POTEE: variants seen among roughly 807,000 people sequenced by gnomAD.
POTEE encodes the protein POTE ankyrin domain family member E, also known as ANKRD26-like family C member 1A.
POTEE carries 21 observed loss-of-function variants against 74.2 expected under a neutral mutation model. The ratio of observed to expected loss-of-function variants is 0.28; its 90% CI spans 0.20 to 0.41. POTEE has a LOEUF of 0.41. Among genes scored for constraint, POTEE ranks in the 10% least tolerant of loss-of-function variants. POTEE has a pLI of 1.00. For missense variants in POTEE, 525 were observed against 1,158.6 expected (o/e 0.45, Z 7.94); for synonymous variants, 211 against 432.8 (o/e 0.49, Z 6.36).
In POTEE at chr2:131,235,818, GA is replaced by G. The variant is rs1048115966; in HGVS notation, c.1127-908del. Among the ~76,000 whole-genome samples the G allele has an allele frequency of 2.9e-5, 4 of 137,770 alleles. No homozygotes were observed. The Admixed American group carries it at 2.9e-4, about 10-fold the overall frequency. 90.4% of individuals were successfully genotyped at this position (137,770 alleles called of 152,430 possible). A position where few individuals can be genotyped will look rare whatever the true frequency, so the allele number is the denominator to read the frequency against. ...AAAAAAAAAAAAAAAAAAAAAGAAA[GA>G]AAAAAGAAAATAAATGTGTCAGAAT... On this transcript the variant is annotated intron_variant, in intron 9 of 17. Coordinates refer to ENST00000683005, the MANE Select transcript of POTEE (RefSeq NM_001083538.3).
chr2:131,221,744 A>G (rs1700625692), intron 4 of POTEE, among the ~76,000 whole-genome samples: 1 of 152,240 alleles, frequency 6.6e-6, no homozygotes, highest in South Asian at 2.1e-4. Context: ...TAACATGTAA[A>G]AAGTATGAAT....
intron 9 of POTEE, among the ~76,000 whole-genome samples, chr2:131,234,184 G>C (rs1701054888): frequency 6.6e-6 from 1 of 151,746 alleles, no homozygotes; most frequent in Admixed American, 6.5e-5. Flanking sequence ...ATGAATATCG[G>C]AGTTGTTCCT....
chr2:131,222,781 T>C (rs1700663414), intron 4 of POTEE, among the ~76,000 whole-genome samples: 2 of 152,104 alleles, frequency 1.3e-5, no homozygotes, highest in Admixed American at 1.3e-4. Context: ...TAAGAATTGG[T>C]TTATTTTAGA....
chr2:131,229,124 C>T (rs1391803669), intron 8 of POTEE, among the ~76,000 whole-genome samples: 1 of 151,710 alleles, frequency 6.6e-6, no homozygotes, highest in Middle Eastern at 3.2e-3. Flanking sequence ...CCCACATATT[C>T]AGAACCTAAT....
At chr2:131,225,050 G>T (rs1357517902) in intron 6 of POTEE, among the ~76,000 whole-genome samples, 1 of 152,106 alleles carries the variant, frequency 6.6e-6, no homozygotes, top group Non-Finnish European at 1.5e-5. Context: ...ACTCTTTTTG[G>T]CCAAATCTTC....
In POTEE at chr2:131,218,606, C is replaced by T. The variant is rs771276904; in HGVS notation, c.204C>T (p.Cys68=). 6.2e-7 allele frequency: 1 copy of T among 1,612,008 alleles called. No homozygotes were observed. Among genetic ancestry groups the T allele is most frequent in the East Asian group, 2.2e-5 (1 of 44,690 alleles). Residue 68 remains cysteine, a synonymous_variant, in exon 4 of 18, where the codon TGC becomes TGT. Transcript: ENST00000683005. The part of the protein sequence containing the change: ...RSKMGKWCHH[C]FPCCRGSGKS... ...AGATGGGCAAGTGGTGCCACCACTG[C>T]TTCCCCTGCTGCAGGGGGAGTGGCA... is the stretch of plus-strand genomic sequence containing the variant.
chr2:131,220,047 A>G (rs1366103983), intron 4 of POTEE, among the ~76,000 whole-genome samples: 1 of 151,294 alleles, frequency 6.6e-6, no homozygotes, highest in Non-Finnish European at 1.5e-5. Context: ...TTATTATTTG[A>G]AAAAGATGGA....
chr2:131,209,871 C>T (rs1179177250), intron 1 of POTEE, among the ~76,000 whole-genome samples, 52 bp downstream of exon 1: 1 of 151,272 alleles, frequency 6.6e-6, no homozygotes, highest in Non-Finnish European at 1.5e-5. Context: ...GGTTGGGTGT[C>T]CTATTGGGGC....
chr2:131,218,497 T>A lies in POTEE; in HGVS notation c.95T>A (p.Phe32Tyr). Residue 32 changes from phenylalanine (F) to tyrosine (Y), a missense_variant, in exon 4 of 18, where the codon TTC (phenylalanine) becomes TAC (tyrosine). Phe to Tyr is a conservative substitution (Grantham distance 22). Transcript: ENST00000683005. Reference protein sequence around the residue: ...SKMGKWCCRCFPCYRESGKSN... With the variant: ...SKMGKWCCRCYPCYRESGKSN... ...ATGGGCAAGTGGTGCTGCCGTTGCTTCCCCTGCTACAGGGAGAGCGGCAAG... is the reference window on the plus strand; with the variant it reads ...ATGGGCAAGTGGTGCTGCCGTTGCTACCCCTGCTACAGGGAGAGCGGCAAG... 1 of 1,612,638 alleles carries A rather than the reference T, an allele frequency of 6.2e-7. No homozygotes were observed. The highest frequency in any genetic ancestry group is 8.5e-7 in the Non-Finnish European group (1 of 1,179,862).
In POTEE at chr2:131,237,907, G is replaced by A. The variant is rs537294241; in HGVS notation, c.1198-287G>A. Among the ~76,000 whole-genome samples the A allele has an allele frequency of 2.6e-5, 4 of 152,386 alleles. No homozygotes were observed. In the East Asian group the frequency reaches 7.7e-4, roughly 29 times the overall value. The stretch of plus-strand genomic sequence containing the variant: ...TCCAAACAAATGGTGACCAAATTAA[G>A]TTTGCTGGTTCACGTTTTTTTTCTT... On this transcript the variant is annotated intron_variant, in intron 10 of 17. Coordinates refer to ENST00000683005, the MANE Select transcript of POTEE (RefSeq NM_001083538.3).
chr2:131,228,510 G>T lies in POTEE; in HGVS notation c.1055+129G>T. 5.3e-6 allele frequency: 8 copies of T among 1,516,198 alleles called. 1 individual carries two copies. In the African/African-American group the frequency reaches 1.0e-4, roughly 20 times the overall value. The allele number at this position is 1,516,198 out of a possible 1,614,324, so 93.9% of individuals were successfully genotyped here. Reference sequence around the variant, plus strand: ...GTAGTTTTCGCGTGGCAGTGAGTTAGTCCCCTGCATCAGCCAGAAATCAGA... The same window carrying T: ...GTAGTTTTCGCGTGGCAGTGAGTTATTCCCCTGCATCAGCCAGAAATCAGA... On this transcript the variant is annotated intron_variant, in intron 8 of 17. Coordinates refer to ENST00000683005, the MANE Select transcript of POTEE (RefSeq NM_001083538.3).
At chr2:131,217,912 C>T (rs1364950343) in intron 3 of POTEE, among the ~76,000 whole-genome samples, 1 of 148,360 alleles carries the variant, frequency 6.7e-6, no homozygotes, top group East Asian at 2.0e-4. Flanking sequence ...GCTTGGCTGG[C>T]CTGTAATGGC....
chr2:131,221,743 A>G (rs1573701504), intron 4 of POTEE, among the ~76,000 whole-genome samples: 2 of 152,228 alleles, frequency 1.3e-5, no homozygotes, highest in East Asian at 1.9e-4. Context: ...TTAACATGTA[A>G]AAAGTATGAA....
intron 9 of POTEE, among the ~76,000 whole-genome samples, chr2:131,232,073 T>C (rs568741456): frequency 1.3e-5 from 2 of 150,974 alleles, no homozygotes; most frequent in Admixed American, 6.6e-5. Flanking sequence ...AACATATAAC[T>C]ATCAAATGTC....
chr2:131,221,376 C>G (rs1700611947), intron 4 of POTEE, among the ~76,000 whole-genome samples: 1 of 152,192 alleles, frequency 6.6e-6, no homozygotes, highest in African/African-American at 2.4e-5. Flanking sequence ...TACACATATA[C>G]ACGAACAGAA....
intron 2 of POTEE, among the ~76,000 whole-genome samples, chr2:131,215,378 C>T (rs1412442549): frequency 3.9e-5 from 6 of 152,092 alleles, no homozygotes; most frequent in South Asian, 2.1e-4. Flanking sequence ...GTTGGCTTTA[C>T]AATAACTTAG....
chr2:131,210,233 TG>T (rs1423506421), intron 1 of POTEE, among the ~76,000 whole-genome samples: 1 of 62,210 alleles, frequency 1.6e-5, no homozygotes, highest in Non-Finnish European at 2.9e-5. Context: ...TGTGGTGGGG[TG>T]GGGGCGGCGA....
At chr2:131,233,133 T>C (rs965727094) in intron 9 of POTEE, among the ~76,000 whole-genome samples, 3 of 152,092 alleles carry the variant, frequency 2.0e-5, no homozygotes, top group African/African-American at 4.8e-5. Context: ...CAGGGGCTCA[T>C]TGGAGAAATT....
intron 6 of POTEE, among the ~76,000 whole-genome samples, chr2:131,225,236 A>G (rs1573706310): frequency 1.3e-5 from 2 of 152,100 alleles, no homozygotes; most frequent in East Asian, 3.8e-4. Flanking sequence ...AAGCCTGGAT[A>G]TGTATATTTG....
Sources: allele counts gnomAD v4.1 joint callset (sites outside exome capture counted in the v4.1 genomes callset), GRCh38; gene constraint gnomAD v4.1.1; transcripts MANE v1.5; gene names NCBI Gene and HGNC (gene_info 2026-07-23, HGNC 2026-07-21).